ZNF292: variants seen among roughly 807,000 people sequenced by gnomAD.
ZNF292 encodes 16 zinc-finger domain protein.
In ZNF292, 26 loss-of-function variants were observed where a neutral mutation model predicts 217.9. That is an observed-to-expected ratio of 0.12 (90% CI 0.09 to 0.17). The LOEUF is 0.17. Ranked by LOEUF, ZNF292 falls within the 10% of genes least tolerant of loss-of-function variation. The pLI is 1.00. For synonymous variants in ZNF292, 1,257 were observed against 1,124.1 expected (o/e 1.12, Z -2.37); for missense variants, 2,904 against 3,175.2 (o/e 0.91, Z 2.05).
chr6:87,168,845 A>G, intron 1 of ZNF292, among the ~76,000 whole-genome samples: 1 of 152,070 alleles, frequency 6.6e-6, no homozygotes, highest in East Asian at 1.9e-4. Context: ...TTCGTAGAGA[A>G]TTGGCTCCAG....
intron 1 of ZNF292, among the ~76,000 whole-genome samples, chr6:87,175,367 G>T (rs1771250645): frequency 6.6e-6 from 1 of 151,682 alleles, no homozygotes; most frequent in African/African-American, 2.4e-5. Flanking sequence ...TTTGAGTTGG[G>T]GTCTCACTTT....
intron 1 of ZNF292, among the ~76,000 whole-genome samples, chr6:87,190,228 C>T (rs1771785543): frequency 6.6e-6 from 1 of 152,176 alleles, no homozygotes; most frequent in Admixed American, 6.6e-5. Flanking sequence ...AACCATAATA[C>T]CACGTAATAA....
intron 6 of ZNF292, among the ~76,000 whole-genome samples, chr6:87,244,402 A>G (rs906684052): frequency 6.6e-6 from 1 of 152,242 alleles, no homozygotes; most frequent in Non-Finnish European, 1.5e-5. Flanking sequence ...TAGGTTTTCT[A>G]GTTATACCAG....
chr6:87,245,590 G>A lies in ZNF292; in HGVS notation c.966G>A (p.Leu322=). The A allele has an allele frequency of 6.4e-7, 1 of 1,556,052 alleles. No individual in the cohort carries two copies. The highest frequency in any genetic ancestry group is 8.8e-7 in the Non-Finnish European group (1 of 1,142,614). ...TTGAGAGGTGTCGTCAACTTTCTTT[G>A]TTAACGAAAACAGTATATCACATTT... ...VYLERCRQLS[L]LTKTVYHIFF... Residue 322 remains leucine (L), a synonymous_variant, in exon 7 of 8, where the codon TTG becomes TTA. Coordinates refer to ENST00000369577, the MANE Select transcript of ZNF292 (RefSeq NM_015021.3).
intron 1 of ZNF292, among the ~76,000 whole-genome samples, chr6:87,165,951 T>G (rs1375534370): frequency 6.6e-6 from 1 of 151,988 alleles, no homozygotes; most frequent in African/African-American, 2.4e-5. Flanking sequence ...AGATACTAGG[T>G]TTCACCATGT....
chr6:87,239,113 CTA>C (rs1171213202), intron 5 of ZNF292, among the ~76,000 whole-genome samples: 86 of 152,414 alleles, frequency 5.6e-4, no homozygotes, highest in Non-Finnish European at 9.7e-4. Context: ...TCTGATTTCT[CTA>C]TCTTTTCCCC....
intron 1 of ZNF292, among the ~76,000 whole-genome samples, chr6:87,204,159 C>G (rs1172365970): frequency 6.6e-6 from 1 of 152,178 alleles, no homozygotes; most frequent in East Asian, 1.9e-4. Flanking sequence ...TGCCAGGGTC[C>G]TGAAAGAGTC....
intron 3 of ZNF292, 104 bp downstream of exon 3, chr6:87,216,481 CAG>C (rs1421774378): frequency 2.5e-6 from 2 of 789,210 alleles, no homozygotes; most frequent in East Asian, 2.7e-5. Flanking sequence ...TCAATAATGA[CAG>C]ACATTAATTA....
intron 6 of ZNF292, among the ~76,000 whole-genome samples, chr6:87,245,221 CAGTG>C (rs1774510615): frequency 6.6e-6 from 1 of 151,722 alleles, no homozygotes; most frequent in African/African-American, 2.4e-5. Context: ...GCCTGGGTGA[CAGTG>C]AGACTGTCTC....
chr6:87,156,559 A>C (rs1432034768), intron 1 of ZNF292, among the ~76,000 whole-genome samples: 1 of 152,064 alleles, frequency 6.6e-6, no homozygotes, highest in Admixed American at 6.6e-5. Flanking sequence ...TATGATTTCC[A>C]CTATCCTTTC....
chr6:87,224,239 G>C (rs1773230065), intron 4 of ZNF292, among the ~76,000 whole-genome samples: 1 of 151,896 alleles, frequency 6.6e-6, no homozygotes, highest in Non-Finnish European at 1.5e-5. Flanking sequence ...ATTCCTTTCA[G>C]TGAGGTTCTT....
At position 87,265,110 on chromosome 6, in the gene ZNF292, T is replaced by G. The variant is rs1260759066; in HGVS notation, c.*3309T>G. 1.3e-5 allele frequency among the ~76,000 whole-genome samples: 2 copies of G among 152,104 alleles called. No individual in the cohort carries two copies. Among genetic ancestry groups the G allele is most frequent in the Non-Finnish European group, 2.9e-5 (2 of 68,024 alleles). ...GTAGTTCTCTCTCTCTCTCTCTCTT[T>G]TTTTTTCTTTGTTTTTTTTGGAGAC... is the stretch of plus-strand genomic sequence containing the variant. On this transcript the variant is annotated 3_prime_UTR_variant, in exon 8 of 8. Coordinates refer to ENST00000369577, the MANE Select transcript of ZNF292 (RefSeq NM_015021.3).
chr6:87,252,637 T>C (rs1774980234), intron 7 of ZNF292, among the ~76,000 whole-genome samples: 1 of 152,230 alleles, frequency 6.6e-6, no homozygotes, highest in African/African-American at 2.4e-5. Context: ...CAGACTTCTT[T>C]CTTTGTGTCT....
chr6:87,166,477 G>A (rs1770919771), intron 1 of ZNF292, among the ~76,000 whole-genome samples: 1 of 152,182 alleles, frequency 6.6e-6, no homozygotes, highest in South Asian at 2.1e-4. Flanking sequence ...AGACACTGGT[G>A]AAGGCTCCCA....
intron 6 of ZNF292, among the ~76,000 whole-genome samples, 195 bp from the exon 7 acceptor site, chr6:87,245,308 T>G (rs4706291): frequency 6.6e-6 from 1 of 152,170 alleles, no homozygotes; most frequent in African/African-American, 2.4e-5. Context: ...TATTAATTAA[T>G]AAAATGATAA....
chr6:87,227,189 T>C (rs1255724212), intron 4 of ZNF292, among the ~76,000 whole-genome samples: 2 of 152,176 alleles, frequency 1.3e-5, no homozygotes, highest in Non-Finnish European at 2.9e-5. Flanking sequence ...GGGTCAAAGT[T>C]GATTATCCCT....
intron 4 of ZNF292, among the ~76,000 whole-genome samples, chr6:87,229,301 A>G (rs1773527869): frequency 6.6e-6 from 1 of 152,134 alleles, no homozygotes; most frequent in Non-Finnish European, 1.5e-5. Context: ...TAGTTGCAGT[A>G]GTTTTTAAAT....
chr6:87,162,984 T>G (rs9444479), intron 1 of ZNF292, among the ~76,000 whole-genome samples: 95,297 of 152,064 alleles, frequency 0.63, 31,348 homozygotes, highest in African/African-American at 0.83. Flanking sequence ...CTTTTAACAA[T>G]GTATTATTTT....
chr6:87,214,377 T>C (rs927886167), intron 1 of ZNF292, among the ~76,000 whole-genome samples: 16 of 152,146 alleles, frequency 1.1e-4, no homozygotes, highest in African/African-American at 3.6e-4. Flanking sequence ...AAGGAACTTA[T>C]CTCTGGTTGT....
Sources: allele counts gnomAD v4.1 joint callset (sites outside exome capture counted in the v4.1 genomes callset), GRCh38; gene constraint gnomAD v4.1.1; transcripts MANE v1.5; gene names NCBI Gene and HGNC (gene_info 2026-07-23, HGNC 2026-07-21).